The following SS18L1 variants were observed in gnomAD, a reference collection of about 807,000 sequenced individuals.
SS18L1 encodes the protein SS18L1 subunit of BAF chromatin remodeling complex.
SS18L1 carries 32 observed loss-of-function variants against 70.3 expected under a neutral mutation model. The observed-to-expected ratio is 0.46, with a 90% CI of 0.34 to 0.61. The LOEUF is 0.61. Among genes scored for constraint, SS18L1 ranks in the 20% least tolerant of loss-of-function variants. SS18L1 has a pLI of 0.01. For missense variants in SS18L1, 430 were observed against 542.1 expected (o/e 0.79, Z 2.05); for synonymous variants, 237 against 229.7 (o/e 1.03, Z -0.29).
intron 1 of SS18L1, among the ~76,000 whole-genome samples, chr20:62,153,779 T>G (rs2057175691): frequency 6.6e-6 from 1 of 152,234 alleles, no homozygotes; most frequent in Non-Finnish European, 1.5e-5. Flanking sequence ...TTGGCCGAAT[T>G]CCTTTGGCTT....
chr20:62,145,170 G>A (rs1424238621), intron 1 of SS18L1, among the ~76,000 whole-genome samples: 2 of 152,242 alleles, frequency 1.3e-5, no homozygotes, highest in Admixed American at 6.5e-5. Flanking sequence ...CTTATGTGGC[G>A]CTTACCGTAT....
chr20:62,159,558 G>A lies in SS18L1; in HGVS notation c.147-319G>A, dbSNP rs1276819938. On this transcript the variant is annotated intron_variant, in intron 2 of 10. Transcript: ENST00000331758. The surrounding 1 kb of genome is among the most constrained non-coding windows in gnomAD (Gnocchi z 4.4). ...GTCACCTTCGGGCCCCTGCCTCCTC[G>A]TGGCCTCCCCCCATCTCTATCCTCT... Among the ~76,000 whole-genome samples, 1 of 152,064 alleles carries A rather than the reference G, an allele frequency of 6.6e-6. No individual in the cohort carries two copies. Among genetic ancestry groups the A allele is most frequent in the Non-Finnish European group, 1.5e-5 (1 of 68,006 alleles).
intron 1 of SS18L1, among the ~76,000 whole-genome samples, chr20:62,145,626 C>G (rs3761225): frequency 0.65 from 98,563 of 152,164 alleles, 35,868 homozygotes; most frequent in Non-Finnish European, 0.81. Flanking sequence ...AGGTGCTGCC[C>G]CGAACATCAG....
rs932287229 is a variant in SS18L1, at chr20:62,159,741, G to A, written c.147-136G>A. The stretch of plus-strand genomic sequence containing the variant: ...GCCACCTGCCTGTGTCCAGCTGGGT[G>A]TCATCTGGGGTCCATGTCCTCATGG... On this transcript the variant is annotated intron_variant, in intron 2 of 10. Transcript: ENST00000331758. The surrounding 1 kb of genome is among the most constrained non-coding windows in gnomAD (Gnocchi z 4.4). 3.8e-6 allele frequency: 3 copies of A among 784,732 alleles called. No individual in the cohort carries two copies. Among genetic ancestry groups the A allele is most frequent in the South Asian group, 1.8e-5 (1 of 55,290 alleles). 48.6% of individuals were successfully genotyped at this position (784,732 alleles called of 1,614,324 possible).
chr20:62,146,252 T>TG (rs113741670), intron 1 of SS18L1, among the ~76,000 whole-genome samples: 20 of 152,364 alleles, frequency 1.3e-4, no homozygotes, highest in African/African-American at 4.3e-4. Context: ...TTGTAGCACT[T>TG]GCTTGAGCTC....
Position 62,179,322 on chromosome 20 carries a change from A to C in SS18L1, c.*114A>C. The C allele has an allele frequency of 8.4e-7, 1 of 1,190,528 alleles. No homozygotes were observed. The highest frequency in any genetic ancestry group is 1.5e-5 in the African/African-American group (1 of 66,938). The allele number at this position is 1,190,528 out of a possible 1,614,324, so 73.7% of individuals were successfully genotyped here. On this transcript the variant is annotated 3_prime_UTR_variant, in exon 11 of 11. Coordinates refer to ENST00000331758, the MANE Select transcript of SS18L1 (RefSeq NM_198935.3). ...GTTGGTTACCTGTTCGCCCAGTGCC[A>C]CGTCTGCATGTGAAGCGTGCTCATT...
chr20:62,147,924 A>G (rs1438430001), intron 1 of SS18L1, among the ~76,000 whole-genome samples: 2 of 152,198 alleles, frequency 1.3e-5, no homozygotes, highest in Non-Finnish European at 2.9e-5. Flanking sequence ...CCCAGTAGGC[A>G]GTGGGCACCC....
intron 9 of SS18L1, among the ~76,000 whole-genome samples, chr20:62,173,698 A>G (rs150095211): frequency 4.6e-5 from 7 of 152,038 alleles, no homozygotes; most frequent in Admixed American, 4.6e-4. Context: ...ATAGAGTGAG[A>G]CGACTCCTCA....
chr20:62,179,840 C>T lies in SS18L1; in HGVS notation c.*632C>T, dbSNP rs189323930. 316 of 227,872 alleles carry T rather than the reference C, an allele frequency of 1.4e-3. No individual in the cohort carries two copies. Among genetic ancestry groups the T allele is most frequent in the African/African-American group, 5.6e-3 (254 of 45,112 alleles). The allele number at this position is 227,872 out of a possible 1,614,324, so 14.1% of individuals were successfully genotyped here. A position where few individuals can be genotyped will look rare whatever the true frequency, so the allele number is the denominator to read the frequency against. On this transcript the variant is annotated 3_prime_UTR_variant, in exon 11 of 11. Transcript: ENST00000331758. ...CAGAGCTTGCCCATTGCCTGTCTCT[C>T]GCCAATTCCGTTTATCCAAAAAGGT...
rs1487575139 is a variant in SS18L1 at position 62,182,514 on chromosome 20, A to G, written c.*3306A>G. On this transcript the variant is annotated 3_prime_UTR_variant, in exon 11 of 11. Transcript: ENST00000331758. The stretch of plus-strand genomic sequence containing the variant: ...TATAAAGTGAGTTTTCATGAAGTTA[A>G]CGGGATTTTGGTGTGATGTGTTTTG... 2.7e-5 allele frequency: 5 copies of G among 184,518 alleles called. No homozygotes were observed. The East Asian group carries it at 4.5e-4, about 17-fold the overall frequency. 11.4% of individuals were successfully genotyped at this position (184,518 alleles called of 1,614,324 possible). A position where few individuals can be genotyped will look rare whatever the true frequency, so the allele number is the denominator to read the frequency against.
chr20:62,164,395 G>T (rs551276367), intron 7 of SS18L1, 149 bp downstream of exon 7: 4 of 841,812 alleles, frequency 4.8e-6, no homozygotes, highest in Non-Finnish European at 7.1e-6. Context: ...GTGGCCAGAC[G>T]CCCTGCAGGA....
intron 1 of SS18L1, among the ~76,000 whole-genome samples, chr20:62,156,636 G>A (rs1456975523): frequency 6.6e-6 from 1 of 152,260 alleles, no homozygotes; most frequent in East Asian, 1.9e-4. Context: ...GCTCTGCCCT[G>A]TGAGCTGGCC....
rs566983725 is a variant in SS18L1 at position 62,172,901 on chromosome 20, G to C, written c.1036+100G>C. The C allele has an allele frequency of 1.2e-3, 1,904 of 1,559,792 alleles. 11 individuals carry two copies. Among genetic ancestry groups the C allele is most frequent in the Non-Finnish European group, 1.2e-3 (1,403 of 1,150,726 alleles). ...TACCCCAGCCAGCAGAGCTACCCTGGGCAGCAGCAGGGCTACGGTAAGAGG... is the reference window on the plus strand; with the variant it reads ...TACCCCAGCCAGCAGAGCTACCCTGCGCAGCAGCAGGGCTACGGTAAGAGG... On this transcript the variant is annotated intron_variant, in intron 9 of 10. Transcript: ENST00000331758.
intron 8 of SS18L1, among the ~76,000 whole-genome samples, chr20:62,170,612 G>T (rs1456054701): frequency 6.6e-6 from 1 of 152,238 alleles, no homozygotes; most frequent in East Asian, 1.9e-4. Flanking sequence ...GCTCCCCCGA[G>T]CCCTGCAGAT....
In SS18L1 at chr20:62,179,798, C is replaced by T; in HGVS notation, c.*590C>T. The T allele has an allele frequency of 4.3e-6, 1 of 229,994 alleles. No homozygotes were observed. Among genetic ancestry groups the T allele is most frequent in the Non-Finnish European group, 8.6e-6 (1 of 116,082 alleles). 14.2% of individuals were successfully genotyped at this position (229,994 alleles called of 1,614,324 possible). A position where few individuals can be genotyped will look rare whatever the true frequency, so the allele number is the denominator to read the frequency against. On this transcript the variant is annotated 3_prime_UTR_variant, in exon 11 of 11. Transcript: ENST00000331758. ...GGATAAACATCTCCCACGGGAGAGG[C>T]CACAGATGGCCACTTCCAGAGCTTG...
intron 1 of SS18L1, among the ~76,000 whole-genome samples, chr20:62,153,108 G>T (rs1050960077): frequency 2.6e-5 from 4 of 152,174 alleles, no homozygotes; most frequent in African/African-American, 4.8e-5. Context: ...GGGAAGCAAG[G>T]CACCTTCTTC....
Position 62,165,633 on chromosome 20 carries a change from C to T in SS18L1, c.916+119C>T, listed in dbSNP as rs1013242742. 2.7e-5 allele frequency: 25 copies of T among 931,420 alleles called. No individual in the cohort carries two copies. In the African/African-American group the frequency reaches 3.6e-4, roughly 13 times the overall value. The allele number at this position is 931,420 out of a possible 1,614,324, so 57.7% of individuals were successfully genotyped here. ...TCAGTGAGTCCCTTAAATCACAGCA[C>T]AGCGCGTGGGAGGAGAGACAGTGTG... On this transcript the variant is annotated intron_variant, in intron 8 of 10. Transcript: ENST00000331758.
At chr20:62,146,901 C>T (rs1451134212) in intron 1 of SS18L1, among the ~76,000 whole-genome samples, 2 of 152,178 alleles carry the variant, frequency 1.3e-5, no homozygotes, top group South Asian at 2.1e-4. Context: ...GCTGGGATTA[C>T]AGGCATGAGC....
At chr20:62,175,444 G>A (rs751317018) in intron 10 of SS18L1, 1 of 985,390 alleles carries the variant, frequency 1.0e-6, no homozygotes, top group Non-Finnish European at 1.2e-6. Flanking sequence ...AATGAGCCAG[G>A]CAAGGGAAGA....
Sources: gnomAD v4.1 joint callset for allele counts (sites outside exome capture counted in the v4.1 genomes callset) on GRCh38, gnomAD v4.1.1 for gene constraint, Gnocchi (gnomAD v3.1) non-coding constraint, MANE v1.5 for transcripts, NCBI Gene and HGNC (gene_info 2026-07-23, HGNC 2026-07-21) for gene names.